The following SH2B3 variants were observed in gnomAD, a reference collection of about 807,000 sequenced individuals.
SH2B3 encodes the protein SH2B adaptor protein 3.
SH2B3 carries 43 observed loss-of-function variants against 51.9 expected under a neutral mutation model. The observed-to-expected ratio is 0.83, with a 90% CI of 0.65 to 1.07. The LOEUF (loss-of-function observed/expected upper bound fraction) is 1.07, where lower values mean the gene tolerates loss of function less well. SH2B3 is among the 50% of genes least tolerant of loss of function. The pLI is 0.00. For synonymous variants in SH2B3, 396 were observed against 376.0 expected, an observed-to-expected ratio of 1.05 and a Z score of -0.62; for missense variants, 952 against 834.3, an observed-to-expected ratio of 1.14 and a Z score of -1.74.
chr12:111,419,636 C>CA (rs56699658), intron 2 of SH2B3, among the ~76,000 whole-genome samples: 13,751 of 130,100 alleles, frequency 0.11, 1,972 homozygotes, highest in African/African-American at 0.34. Flanking sequence ...GACTCTGTCT[C>CA]AAAAAAAAAA....
chr12:111,408,634 G>T (rs547460521), intron 1 of SH2B3, among the ~76,000 whole-genome samples: 1 of 152,164 alleles, frequency 6.6e-6, no homozygotes, highest in Non-Finnish European at 1.5e-5. Flanking sequence ...AGGGGAGACC[G>T]GGTGCCCTCC....
At chr12:111,432,554 T>C (rs930444864) in intron 2 of SH2B3, among the ~76,000 whole-genome samples, 7 of 152,222 alleles carry the variant, frequency 4.6e-5, no homozygotes, top group Non-Finnish European at 7.3e-5. Flanking sequence ...GTAAAGCGTA[T>C]AATTCATTGG....
rs1871295370 is a variant in SH2B3, at chr12:111,418,686, A to C, written c.541A>C (p.Lys181Gln). Reference protein sequence around the residue: ...ETPARPGLAKKFLPWSLAREP... With the variant: ...ETPARPGLAKQFLPWSLAREP... The stretch of plus-strand genomic sequence containing the variant: ...CCCCGCCCGGCCTGGCCTGGCCAAG[A>C]AGTTCCTGCCCTGGAGCCTGGCCCG... The change falls in exon 2 of 8, where the codon AAG becomes CAG. Residue 181 changes from lysine to glutamine, a missense_variant. Coordinates refer to ENST00000341259, the MANE Select transcript of SH2B3 (RefSeq NM_005475.3). This position sits in a 1 kb window ranked among gnomAD's most constrained non-coding sequence, Gnocchi z 6.7. The C allele has an allele frequency of 6.7e-7, 1 of 1,490,062 alleles. No homozygotes were observed. The highest frequency in any genetic ancestry group is 1.2e-5 in the South Asian group (1 of 80,220). The allele number at this position is 1,490,062 out of a possible 1,614,324, so 92.3% of individuals were successfully genotyped here.
In SH2B3 at chr12:111,438,362, G is replaced by A. The variant is rs1873083013; in HGVS notation, c.733-8391G>A. On this transcript the variant is annotated intron_variant, in intron 2 of 7. Transcript: ENST00000341259. The surrounding 1 kb of genome is among the most constrained non-coding windows in gnomAD (Gnocchi z 4.2). The stretch of plus-strand genomic sequence containing the variant: ...TGGTGCCCTTGCGGGGAGGTCAGGG[G>A]GCTGACACACCTGAGCCTGCCTTTC... Among the ~76,000 whole-genome samples the A allele has an allele frequency of 6.6e-6, 1 of 152,090 alleles. No individual in the cohort carries two copies.
chr12:111,431,731 T>C (rs889312399), intron 2 of SH2B3, among the ~76,000 whole-genome samples: 4 of 152,268 alleles, frequency 2.6e-5, no homozygotes, highest in African/African-American at 9.6e-5. Context: ...TATTTAATGC[T>C]GCTATTAGCA....
chr12:111,420,019 G>A (rs1410404481), intron 2 of SH2B3, among the ~76,000 whole-genome samples: 2 of 152,172 alleles, frequency 1.3e-5, no homozygotes, highest in East Asian at 1.9e-4. Flanking sequence ...ACATTTGGGT[G>A]TCATGTGGGC....
In SH2B3 at chr12:111,432,993, G is replaced by A. The variant is rs535398723; in HGVS notation, c.733-13760G>A. On this transcript the variant is annotated intron_variant, in intron 2 of 7. Coordinates refer to ENST00000341259, the MANE Select transcript of SH2B3 (RefSeq NM_005475.3). ...CGTGGACAAGTTTTTGTGTGGATCT[G>A]TGTTTTCATTTCTCTTGGGATACAT... Among the ~76,000 whole-genome samples, 7 of 151,856 alleles carry A rather than the reference G, an allele frequency of 4.6e-5. No individual in the cohort carries two copies. The East Asian group carries it at 1.4e-3, about 29-fold the overall frequency.
In SH2B3 at chr12:111,418,130, C is replaced by A; in HGVS notation, c.-16C>A. On this transcript the variant is annotated 5_prime_UTR_variant, in exon 2 of 8. Coordinates refer to ENST00000341259, the MANE Select transcript of SH2B3 (RefSeq NM_005475.3). The surrounding 1 kb of genome is among the most constrained non-coding windows in gnomAD (Gnocchi z 6.7). The stretch of plus-strand genomic sequence containing the variant: ...CACGTGTCTTTCAGCCCGGCCGCAC[C>A]ACCTGGGTCTCCGCCATGAACGGGC... 6.7e-7 allele frequency: 1 copy of A among 1,484,962 alleles called. No homozygotes were observed. The highest frequency in any genetic ancestry group is 8.8e-7 in the Non-Finnish European group (1 of 1,130,272). 92.0% of individuals were successfully genotyped at this position (1,484,962 alleles called of 1,614,324 possible).
Position 111,438,533 on chromosome 12 carries a change from T to C in SH2B3, c.733-8220T>C, listed in dbSNP as rs1267668605. ...GGGCAATCATCCCCTATGCCCCCCG[T>C]TACCCAGCACAAAGGATGCTTAGCC... On this transcript the variant is annotated intron_variant, in intron 2 of 7. Transcript: ENST00000341259. This position sits in a 1 kb window ranked among gnomAD's most constrained non-coding sequence, Gnocchi z 4.2. Among the ~76,000 whole-genome samples the C allele has an allele frequency of 2.0e-5, 3 of 152,166 alleles. No homozygotes were observed.
intron 2 of SH2B3, among the ~76,000 whole-genome samples, chr12:111,432,055 G>T (rs1311777488): frequency 6.6e-6 from 1 of 152,042 alleles, no homozygotes; most frequent in Admixed American, 6.6e-5. Context: ...TGCGGGCCTG[G>T]CATTCCTCAT....
chr12:111,418,311 G>C lies in SH2B3; in HGVS notation c.166G>C (p.Ala56Pro). The change falls in exon 2 of 8, where the codon GCG becomes CCG. Residue 56 changes from alanine to proline, a missense_variant. Transcript: ENST00000341259. The surrounding 1 kb of genome is among the most constrained non-coding windows in gnomAD (Gnocchi z 6.7). The stretch of plus-strand genomic sequence containing the variant: ...GTTCGCCCGGGAGCATCCGCAGCAC[G>C]CGCCGCTGCGCGCCGAGCTGGTGTC... Reference protein sequence around the residue: ...WLFAREHPQHAPLRAELVSLQ... With the variant: ...WLFAREHPQHPPLRAELVSLQ... The C allele has an allele frequency of 6.5e-7, 1 of 1,527,398 alleles. No individual in the cohort carries two copies. The highest frequency in any genetic ancestry group is 8.7e-7 in the Non-Finnish European group (1 of 1,142,992). The allele number at this position is 1,527,398 out of a possible 1,614,324, so 94.6% of individuals were successfully genotyped here. A position where few individuals can be genotyped will look rare whatever the true frequency, so the allele number is the denominator to read the frequency against.
Position 111,407,254 on chromosome 12 carries a change from G to A in SH2B3, c.-28+977G>A, listed in dbSNP as rs981778379. On this transcript the variant is annotated intron_variant, in intron 1 of 7. Transcript: ENST00000341259. This position sits in a 1 kb window ranked among gnomAD's most constrained non-coding sequence, Gnocchi z 4.3. ...CTCCAGGGAGGGGCACGGCCAGGCTGGGCTGAGTGGGAGGAAGTGAAATCT... is the reference window on the plus strand; with the variant it reads ...CTCCAGGGAGGGGCACGGCCAGGCTAGGCTGAGTGGGAGGAAGTGAAATCT... Among the ~76,000 whole-genome samples, 1 of 152,112 alleles carries A rather than the reference G, an allele frequency of 6.6e-6. No individual in the cohort carries two copies. The highest frequency in any genetic ancestry group is 1.5e-5 in the Non-Finnish European group (1 of 67,990).
chr12:111,441,022 A>G (rs140274521), intron 2 of SH2B3, among the ~76,000 whole-genome samples: 70 of 152,258 alleles, frequency 4.6e-4, no homozygotes, highest in African/African-American at 1.6e-3. Flanking sequence ...CTCTTGCTTG[A>G]GCCCAGGAGG....
At chr12:111,419,099 C>T (rs1871338853) in intron 2 of SH2B3, among the ~76,000 whole-genome samples, 2 of 151,938 alleles carry the variant, frequency 1.3e-5, no homozygotes, top group East Asian at 1.9e-4. Flanking sequence ...TCGCTTGAGC[C>T]CAGGACTTCG....
intron 5 of SH2B3, 36 bp from the exon 6 acceptor site, chr12:111,447,294 C>A: frequency 1.3e-6 from 2 of 1,587,204 alleles, no homozygotes; most frequent in Non-Finnish European, 1.7e-6. Flanking sequence ...CATAAGGTAG[C>A]CCCCTGCGAC....
rs1383183144 is a variant in SH2B3 at position 111,407,464 on chromosome 12, G to C, written c.-28+1187G>C. On this transcript the variant is annotated intron_variant, in intron 1 of 7. Coordinates refer to ENST00000341259, the MANE Select transcript of SH2B3 (RefSeq NM_005475.3). This position sits in a 1 kb window ranked among gnomAD's most constrained non-coding sequence, Gnocchi z 4.3. ...GGGCCTGTGGGTCTCCAGGGATGCA[G>C]GCGCAGGTTGTGTCTGGGTTTCCCA... is the stretch of plus-strand genomic sequence containing the variant. Among the ~76,000 whole-genome samples, 1 of 152,234 alleles carries C rather than the reference G, an allele frequency of 6.6e-6. No individual in the cohort carries two copies. Among genetic ancestry groups the C allele is most frequent in the African/African-American group, 2.4e-5 (1 of 41,470 alleles).
rs1461581272 is a variant in SH2B3 at position 111,448,534 on chromosome 12, T to C, written c.*232T>C. The C allele has an allele frequency of 1.8e-6, 1 of 540,970 alleles. No homozygotes were observed. The highest frequency in any genetic ancestry group is 1.9e-5 in the African/African-American group (1 of 52,798). 33.5% of individuals were successfully genotyped at this position (540,970 alleles called of 1,614,324 possible). Reference sequence around the variant, plus strand: ...TATTGTTTACAGATGTAGTTCTTGTTAGAGGATGCCGCTAGCTCCTGCCCG... The same window carrying C: ...TATTGTTTACAGATGTAGTTCTTGTCAGAGGATGCCGCTAGCTCCTGCCCG... On this transcript the variant is annotated 3_prime_UTR_variant, in exon 8 of 8. Coordinates refer to ENST00000341259, the MANE Select transcript of SH2B3 (RefSeq NM_005475.3).
rs12371484 is a variant in SH2B3 at position 111,434,918 on chromosome 12, T to C, written c.733-11835T>C. The C allele has an allele frequency of 0.044, 67,934 of 1,535,548 alleles. 1,834 individuals are homozygous for C. The highest frequency in any genetic ancestry group is 0.055 in the Non-Finnish European group (62,835 of 1,146,712). On this transcript the variant is annotated intron_variant, in intron 2 of 7. Transcript: ENST00000341259. ...CAGAAGGACATGGGATTCCCGGTGC[T>C]GTGCCGTGGCTGGAGGAGGACCTGG...
In SH2B3 at chr12:111,407,598, G is replaced by T. The variant is rs1870350742; in HGVS notation, c.-28+1321G>T. Among the ~76,000 whole-genome samples, 1 of 152,234 alleles carries T rather than the reference G, an allele frequency of 6.6e-6. No individual in the cohort carries two copies. Among genetic ancestry groups the T allele is most frequent in the Non-Finnish European group, 1.5e-5 (1 of 68,036 alleles). On this transcript the variant is annotated intron_variant, in intron 1 of 7. Transcript: ENST00000341259. This position sits in a 1 kb window ranked among gnomAD's most constrained non-coding sequence, Gnocchi z 4.3. Reference sequence around the variant, plus strand: ...CCTGGGCAGGCTGGGCTCGGAGGATGAGAGCCAGGGCCTACTGGGGGAAGT... The same window carrying T: ...CCTGGGCAGGCTGGGCTCGGAGGATTAGAGCCAGGGCCTACTGGGGGAAGT...
Sources: allele counts gnomAD v4.1 joint callset (sites outside exome capture counted in the v4.1 genomes callset), GRCh38; gene constraint gnomAD v4.1.1; non-coding constraint Gnocchi (gnomAD v3.1); transcripts MANE v1.5; gene names NCBI Gene and HGNC (gene_info 2026-07-23, HGNC 2026-07-21).